ST18: variants seen among roughly 807,000 people sequenced by gnomAD.
ST18 encodes the protein ST18 C2H2C-type zinc finger transcription factor.
Under a neutral mutation model 110.0 loss-of-function variants are expected in ST18, and 50 were observed. The observed-to-expected ratio is 0.45, with a 90% CI of 0.36 to 0.58. The LOEUF is 0.58. Among genes scored for constraint, ST18 ranks in the 20% least tolerant of loss-of-function variants. ST18 has a pLI of 0.00. For missense variants in ST18, 1,306 were observed against 1,280.1 expected, an observed-to-expected ratio of 1.02 and a Z score of -0.31; for synonymous variants, 461 against 452.4, an observed-to-expected ratio of 1.02 and a Z score of -0.24.
intron 2 of ST18, among the ~76,000 whole-genome samples, chr8:52,284,526 T>A (rs1412646184): frequency 6.6e-6 from 1 of 151,928 alleles, no homozygotes; most frequent in Non-Finnish European, 1.5e-5. Context: ...ACCAGGATGG[T>A]CTAGAAGCAG....
chr8:52,331,955 T>C (rs1589981617), intron 2 of ST18, among the ~76,000 whole-genome samples: 1 of 152,150 alleles, frequency 6.6e-6, no homozygotes, highest in African/African-American at 2.4e-5. Flanking sequence ...TTAATAAAAG[T>C]CAAGCAATTT....
chr8:52,198,706 T>C (rs2076974870), intron 8 of ST18, among the ~76,000 whole-genome samples: 1 of 152,228 alleles, frequency 6.6e-6, no homozygotes, highest in Non-Finnish European at 1.5e-5. Context: ...TGTATATATA[T>C]GTACACACAC....
At chr8:52,116,150 G>T in intron 25 of ST18, 125 bp downstream of exon 25, 2 of 1,009,250 alleles carry the variant, frequency 2.0e-6, no homozygotes, top group Non-Finnish European at 2.8e-6. Context: ...CTGTGATGAA[G>T]TGTGGTCACT....
intron 13 of ST18, 40 bp downstream of exon 13, chr8:52,163,946 G>C (rs780501507): frequency 6.6e-7 from 1 of 1,518,840 alleles, no homozygotes; most frequent in Non-Finnish European, 9.1e-7. Context: ...GCAGGAGCCT[G>C]GATGAAGAGA....
chr8:52,393,120 G>A (rs1374139624), intron 2 of ST18, among the ~76,000 whole-genome samples: 1 of 152,182 alleles, frequency 6.6e-6, no homozygotes, highest in African/African-American at 2.4e-5. Context: ...AAAGTTCTGA[G>A]CAGGCATTAG....
intron 8 of ST18, among the ~76,000 whole-genome samples, chr8:52,183,896 G>T (rs2070926892): frequency 6.6e-6 from 1 of 152,136 alleles, no homozygotes. Flanking sequence ...CACATTCTGT[G>T]CATTTCTCCA....
At chr8:52,278,303 G>A (rs930660316) in intron 2 of ST18, among the ~76,000 whole-genome samples, 1 of 152,228 alleles carries the variant, frequency 6.6e-6, no homozygotes, top group African/African-American at 2.4e-5. Context: ...GCAATATGGA[G>A]AGTCAATGGT....
intron 2 of ST18, among the ~76,000 whole-genome samples, chr8:52,328,687 T>G (rs1807660810): frequency 6.6e-6 from 1 of 152,198 alleles, no homozygotes; most frequent in African/African-American, 2.4e-5. Context: ...CATGTAGGAC[T>G]TCATATATTT....
At chr8:52,173,151 A>T (rs920238712) in intron 9 of ST18, among the ~76,000 whole-genome samples, 5 of 152,238 alleles carry the variant, frequency 3.3e-5, no homozygotes, top group African/African-American at 4.8e-5. Context: ...TACAAAATAC[A>T]TCTTTCTGAG....
chr8:52,379,001 T>G (rs1432839345), intron 2 of ST18, among the ~76,000 whole-genome samples: 1 of 152,220 alleles, frequency 6.6e-6, no homozygotes, highest in Non-Finnish European at 1.5e-5. Context: ...GTATTCCATA[T>G]ATTGTACCTC....
chr8:52,207,948 A>G (rs986875552), intron 8 of ST18, among the ~76,000 whole-genome samples: 2 of 152,236 alleles, frequency 1.3e-5, no homozygotes, highest in African/African-American at 2.4e-5. Context: ...GAGATAATGC[A>G]ATGGTCATGA....
intron 2 of ST18, among the ~76,000 whole-genome samples, chr8:52,379,286 C>T (rs747298609): frequency 1.9e-4 from 29 of 151,658 alleles, no homozygotes; most frequent in African/African-American, 2.9e-4. Context: ...TTAGTAGAGA[C>T]GGGGTTTCAC....
chr8:52,130,115 AAAGAAAAGAAAG>A (rs1415077867), intron 22 of ST18, among the ~76,000 whole-genome samples: 7 of 88,296 alleles, frequency 7.9e-5, no homozygotes, highest in East Asian at 5.8e-4. Flanking sequence ...AGAAAGAAAG[AAAGAAAAGAAAG>A]AAAGAAAGAA....
chr8:52,200,162 G>A (rs1272874245), intron 8 of ST18, among the ~76,000 whole-genome samples: 1 of 149,232 alleles, frequency 6.7e-6, no homozygotes, highest in Non-Finnish European at 1.5e-5. Flanking sequence ...AGAGATTCCT[G>A]CTCCACAAAA....
At chr8:52,365,051 T>A (rs965902181) in intron 2 of ST18, among the ~76,000 whole-genome samples, 1 of 151,752 alleles carries the variant, frequency 6.6e-6, no homozygotes, top group East Asian at 1.9e-4. Flanking sequence ...GAGGCAGAGG[T>A]TGCAGTGAGC....
intron 2 of ST18, among the ~76,000 whole-genome samples, chr8:52,387,960 C>T (rs1837539766): frequency 6.6e-6 from 1 of 151,144 alleles, no homozygotes; most frequent in African/African-American, 2.4e-5. Flanking sequence ...CTCCCCACCC[C>T]CCCGCCCCAC....
At chr8:52,365,940 A>C (rs1827754838) in intron 2 of ST18, among the ~76,000 whole-genome samples, 1 of 151,708 alleles carries the variant, frequency 6.6e-6, no homozygotes, top group Non-Finnish European at 1.5e-5. Context: ...ACTTCAATCA[A>C]TTCTCCTGCC....
At chr8:52,406,481 G>A (rs915359848) in intron 2 of ST18, 2 of 152,326 alleles carry the variant, frequency 1.3e-5, no homozygotes, top group African/African-American at 4.8e-5. Context: ...TGGCCTTGAA[G>A]GAGTCCTTGG....
At chr8:52,314,957 C>T (rs1017746964) in intron 2 of ST18, among the ~76,000 whole-genome samples, 3 of 152,092 alleles carry the variant, frequency 2.0e-5, no homozygotes, top group Non-Finnish European at 4.4e-5. Context: ...CAGAGAGGGC[C>T]AGGAGAAAGG....
Sources: allele counts gnomAD v4.1 joint callset (sites outside exome capture counted in the v4.1 genomes callset), GRCh38; gene constraint gnomAD v4.1.1; transcripts MANE v1.5; gene names NCBI Gene and HGNC (gene_info 2026-07-23, HGNC 2026-07-21).